The following SCML4 variants were observed in gnomAD, a reference collection of about 807,000 sequenced individuals.
SCML4 encodes Scm polycomb group protein like 4.
Under a neutral mutation model 41.1 loss-of-function variants are expected in SCML4, and 34 were observed. That is an observed-to-expected ratio of 0.83 (90% CI 0.63 to 1.10). The LOEUF is 1.10. Ranked by LOEUF, SCML4 falls within the 50% of genes least tolerant of loss-of-function variation. The probability of loss-of-function intolerance (pLI) is 0.00; values close to 1 mark genes in which losing one functional copy is unlikely to be tolerated. For missense variants in SCML4, 522 were observed against 534.1 expected, an observed-to-expected ratio of 0.98 and a Z score of 0.22; for synonymous variants, 214 against 220.9, an observed-to-expected ratio of 0.97 and a Z score of 0.28.
At chr6:107,754,148 A>G (rs930521416) in intron 2 of SCML4, among the ~76,000 whole-genome samples, 2 of 152,252 alleles carry the variant, frequency 1.3e-5, no homozygotes, top group Non-Finnish European at 2.9e-5. Flanking sequence ...TTGGCTGCAC[A>G]GTGCTAAATG....
intron 5 of SCML4, among the ~76,000 whole-genome samples, chr6:107,735,716 T>C (rs1776999594): frequency 6.6e-6 from 1 of 151,674 alleles, no homozygotes; most frequent in Admixed American, 6.6e-5. Context: ...GGAGAATCAC[T>C]TGAACCCTGG....
At chr6:107,830,963 G>C in the SCML4 span, among the ~76,000 whole-genome samples, 1 of 152,122 alleles carries the variant, frequency 6.6e-6, no homozygotes, top group Admixed American at 6.6e-5. Flanking sequence ...TGTACCCTCA[G>C]TACTCTGCCT....
chr6:107,770,121 G>A (rs1193193899), intron 2 of SCML4, among the ~76,000 whole-genome samples: 1 of 152,100 alleles, frequency 6.6e-6, no homozygotes, highest in African/African-American at 2.4e-5. Flanking sequence ...GTCATTAATG[G>A]TAAAATGGGG....
At chr6:107,712,997 C>A (rs1774376436) in intron 6 of SCML4, among the ~76,000 whole-genome samples, 2 of 152,226 alleles carry the variant, frequency 1.3e-5, no homozygotes, top group African/African-American at 4.8e-5. Context: ...TCTTGTCATT[C>A]CCTGCCAGAG....
chr6:107,756,439 C>G (rs931177917), intron 2 of SCML4, among the ~76,000 whole-genome samples: 1 of 152,136 alleles, frequency 6.6e-6, no homozygotes, highest in African/African-American at 2.4e-5. Flanking sequence ...AATACCCAAC[C>G]AGTACTCCTC....
chr6:107,712,446 G>A (rs1208540016), intron 6 of SCML4, among the ~76,000 whole-genome samples: 4 of 152,178 alleles, frequency 2.6e-5, no homozygotes, highest in African/African-American at 9.7e-5. Context: ...TTGTCTTTAA[G>A]GAGGAGGCTC....
chr6:107,707,841 A>C, intron 7 of SCML4, 25 bp downstream of exon 7: 2 of 1,551,334 alleles, frequency 1.3e-6, no homozygotes, highest in Non-Finnish European at 1.7e-6. Context: ...AATCCCCCCC[A>C]AGGTCAAACC....
chr6:107,740,995 A>T (rs1011082938), intron 5 of SCML4, among the ~76,000 whole-genome samples: 3 of 152,176 alleles, frequency 2.0e-5, no homozygotes, highest in African/African-American at 7.2e-5. Flanking sequence ...GAAGCCAACC[A>T]TGCCCTTCTT....
chr6:107,712,896 C>A (rs1196858025), intron 6 of SCML4, among the ~76,000 whole-genome samples: 1 of 152,224 alleles, frequency 6.6e-6, no homozygotes, highest in Non-Finnish European at 1.5e-5. Flanking sequence ...GTGGAAAAGT[C>A]TTGCTCCTAA....
At chr6:107,738,955 T>TCA (rs1777335332) in intron 5 of SCML4, among the ~76,000 whole-genome samples, 1 of 152,142 alleles carries the variant, frequency 6.6e-6, no homozygotes, top group South Asian at 2.1e-4. Context: ...GAGATCATTA[T>TCA]CACCTACCTT....
chr6:107,762,015 A>G (rs1027042009), intron 2 of SCML4, among the ~76,000 whole-genome samples: 1 of 152,168 alleles, frequency 6.6e-6, no homozygotes, highest in African/African-American at 2.4e-5. Flanking sequence ...AATGAAAATG[A>G]CTGTATCAAA....
chr6:107,757,278 G>A (rs1779192056), intron 2 of SCML4, among the ~76,000 whole-genome samples: 3 of 152,212 alleles, frequency 2.0e-5, no homozygotes, highest in African/African-American at 4.8e-5. Flanking sequence ...GGGGGGAAAC[G>A]GAGATGTGCG....
At chr6:107,799,716 G>T (rs1782962567) in intron 1 of SCML4, among the ~76,000 whole-genome samples, 1 of 151,188 alleles carries the variant, frequency 6.6e-6, no homozygotes, top group Admixed American at 6.6e-5. Flanking sequence ...TTCTTTCTTG[G>T]CTCAATTTCA....
At chr6:107,839,336 A>G in the SCML4 span, among the ~76,000 whole-genome samples, 27 of 39,652 alleles carry the variant, frequency 6.8e-4, 2 homozygotes, top group African/African-American at 1.5e-3. Context: ...AGAAAGAGAG[A>G]GAGAAAAAGA....
intron 2 of SCML4, among the ~76,000 whole-genome samples, chr6:107,759,869 C>T (rs1306647983): frequency 3.3e-5 from 5 of 152,128 alleles, no homozygotes; most frequent in South Asian, 4.1e-4. Flanking sequence ...CAGTCAACTA[C>T]GCATTGCCAC....
intron 1 of SCML4, among the ~76,000 whole-genome samples, chr6:107,822,498 TTTTTC>T (rs1562293670): frequency 2.6e-5 from 2 of 76,222 alleles, no homozygotes; most frequent in African/African-American, 1.1e-4. Flanking sequence ...CTCTTTTCTT[TTTTTC>T]TTTTCTTTTT....
intron 5 of SCML4, among the ~76,000 whole-genome samples, chr6:107,737,785 TG>T (rs1777217329): frequency 6.6e-6 from 1 of 152,176 alleles, no homozygotes; most frequent in Admixed American, 6.5e-5. Context: ...AATTACATAA[TG>T]GGTACAATGT....
At chr6:107,715,218 G>A (rs982631674) in intron 6 of SCML4, among the ~76,000 whole-genome samples, 3 of 132,246 alleles carry the variant, frequency 2.3e-5, no homozygotes, top group African/African-American at 5.9e-5. Flanking sequence ...CAGATGATCC[G>A]CCCACCTCTG....
intron 2 of SCML4, among the ~76,000 whole-genome samples, chr6:107,760,329 G>T (rs571569399): frequency 1.3e-5 from 2 of 152,248 alleles, no homozygotes; most frequent in Non-Finnish European, 2.9e-5. Flanking sequence ...GGTGTAATCT[G>T]GGCCATGGGC....
Sources: allele counts gnomAD v4.1 joint callset (sites outside exome capture counted in the v4.1 genomes callset), GRCh38; gene constraint gnomAD v4.1.1; transcripts MANE v1.5; gene names NCBI Gene and HGNC (gene_info 2026-07-23, HGNC 2026-07-21).